The following ASCC3 variants were observed in gnomAD, a reference collection of about 807,000 sequenced individuals.
The protein encoded by ASCC3 is activating signal cointegrator 1 complex subunit 3.
A neutral mutation model predicts 256.3 loss-of-function variants in ASCC3; 158 were observed. The ratio of observed to expected loss-of-function variants is 0.62; its 90% confidence interval spans 0.54 to 0.70. The LOEUF (loss-of-function observed/expected upper bound fraction) is 0.70, where lower values mean the gene tolerates loss of function less well. ASCC3 is among the 30% of genes least tolerant of loss of function. The pLI is 0.00. For missense variants in ASCC3, 2,259 were observed against 2,626.0 expected (o/e 0.86, Z 3.05); for synonymous variants, 948 against 883.4 (o/e 1.07, Z -1.30).
At chr6:100,846,714 A>C (rs192963147) in intron 4 of ASCC3, among the ~76,000 whole-genome samples, 465 of 152,308 alleles carry the variant, frequency 3.1e-3, no homozygotes, top group African/African-American at 0.011. Flanking sequence ...CACTTGAAAG[A>C]GTTAAATCTA....
At chr6:100,770,378 G>C (rs1453542234) in intron 8 of ASCC3, among the ~76,000 whole-genome samples, 1 of 151,862 alleles carries the variant, frequency 6.6e-6, no homozygotes, top group Non-Finnish European at 1.5e-5. Flanking sequence ...AACAGGGTAA[G>C]ACTGAATGCT....
chr6:100,842,689 G>A lies in ASCC3; in HGVS notation c.801+5459C>T, dbSNP rs1278624410. Among the ~76,000 whole-genome samples, 3 of 152,086 alleles carry A rather than the reference G, an allele frequency of 2.0e-5. No individual in the cohort carries two copies. The East Asian group carries it at 5.8e-4, about 29-fold the overall frequency. ...AGTATTATTATTTTAAATGATTTGG[G>A]GCTGGGTGCAGTGGCTCATGCCTGC... On this transcript the variant is annotated intron_variant, in intron 4 of 41. Transcript: ENST00000369162.
At chr6:100,589,110 T>C (rs1187746204) in intron 36 of ASCC3, among the ~76,000 whole-genome samples, 1 of 152,094 alleles carries the variant, frequency 6.6e-6, no homozygotes, top group Non-Finnish European at 1.5e-5. Flanking sequence ...AAAGGAAAAA[T>C]GAACACAGTA....
intron 34 of ASCC3, among the ~76,000 whole-genome samples, chr6:100,595,876 C>T (rs924250241): frequency 1.3e-5 from 2 of 151,980 alleles, no homozygotes; most frequent in Non-Finnish European, 2.9e-5. Context: ...TTTATTAATT[C>T]CAATTTTTAT....
At chr6:100,667,233 A>C (rs188140574) in intron 14 of ASCC3, among the ~76,000 whole-genome samples, 7 of 152,292 alleles carry the variant, frequency 4.6e-5, no homozygotes, top group African/African-American at 1.7e-4. Flanking sequence ...AAAATGTGAA[A>C]CGTGAGTCTT....
intron 36 of ASCC3, among the ~76,000 whole-genome samples, chr6:100,542,585 A>T (rs1207409024): frequency 6.6e-6 from 1 of 151,884 alleles, no homozygotes; most frequent in South Asian, 2.1e-4. Flanking sequence ...GGGAGACTGA[A>T]GCAGGAGAAT....
intron 2 of ASCC3, among the ~76,000 whole-genome samples, chr6:100,866,407 A>T (rs980133779): frequency 6.6e-6 from 1 of 152,266 alleles, no homozygotes; most frequent in Non-Finnish European, 1.5e-5. Context: ...AAGAAACCAC[A>T]GTAATTTAAA....
At chr6:100,729,545 A>G (rs556959925) in intron 10 of ASCC3, among the ~76,000 whole-genome samples, 96 of 152,314 alleles carry the variant, frequency 6.3e-4, no homozygotes, top group African/African-American at 2.2e-3. Context: ...TACTATTGAG[A>G]ATATATATCT....
At chr6:100,711,128 A>G (rs1376057380) in intron 13 of ASCC3, among the ~76,000 whole-genome samples, 1 of 152,116 alleles carries the variant, frequency 6.6e-6, no homozygotes, top group Non-Finnish European at 1.5e-5. Context: ...AAGCAATCCT[A>G]TGTTCCATAC....
Position 100,679,962 on chromosome 6 carries a change from T to G in ASCC3, c.2152-210A>C, listed in dbSNP as rs565605378. Among the ~76,000 whole-genome samples, 5 of 152,224 alleles carry G rather than the reference T, an allele frequency of 3.3e-5. No individual in the cohort carries two copies. The East Asian group carries it at 7.7e-4, about 24-fold the overall frequency. On this transcript the variant is annotated intron_variant, in intron 13 of 41. Transcript: ENST00000369162. ...AATTTAGCTTACAAGTTGATAGAAG[T>G]TTGTGGAGTCTATAAAATTTGGAGT...
chr6:100,822,215 A>G (rs1222999572), intron 4 of ASCC3, among the ~76,000 whole-genome samples: 1 of 152,202 alleles, frequency 6.6e-6, no homozygotes, highest in Non-Finnish European at 1.5e-5. Flanking sequence ...CTTACAAACC[A>G]AAATGACTTA....
intron 13 of ASCC3, among the ~76,000 whole-genome samples, chr6:100,687,394 G>A (rs966774535): frequency 4.4e-4 from 67 of 151,908 alleles, no homozygotes; most frequent in Non-Finnish European, 2.1e-4. Flanking sequence ...ACAGTGTCTC[G>A]CTCTGTCGCC....
At chr6:100,637,628 T>C (rs1774906483) in intron 25 of ASCC3, among the ~76,000 whole-genome samples, 1 of 152,034 alleles carries the variant, frequency 6.6e-6, no homozygotes. Flanking sequence ...CCATTCTAGA[T>C]GCCATTAAGA....
At chr6:100,596,702 T>G (rs75643294) in intron 34 of ASCC3, among the ~76,000 whole-genome samples, 2,479 of 152,284 alleles carry the variant, frequency 0.016, 65 homozygotes, top group African/African-American at 0.056. Context: ...TTTGAATGAA[T>G]CTGATAATTT....
chr6:100,842,958 G>A (rs2114490538), intron 4 of ASCC3, among the ~76,000 whole-genome samples: 1 of 152,202 alleles, frequency 6.6e-6, no homozygotes, highest in African/African-American at 2.4e-5. Context: ...CTGGGTGACA[G>A]AATGAGACTC....
chr6:100,812,859 G>C (rs752698173), intron 4 of ASCC3, among the ~76,000 whole-genome samples: 1 of 152,102 alleles, frequency 6.6e-6, no homozygotes, highest in Non-Finnish European at 1.5e-5. Flanking sequence ...GAACCCAGGA[G>C]TTCAAGGCTG....
chr6:100,786,921 A>T (rs984451974), intron 8 of ASCC3, among the ~76,000 whole-genome samples: 7 of 152,178 alleles, frequency 4.6e-5, no homozygotes, highest in Non-Finnish European at 1.5e-5. Flanking sequence ...ATCTATATTT[A>T]AAAATGGAAT....
At chr6:100,784,337 C>T (rs1034688116) in intron 8 of ASCC3, among the ~76,000 whole-genome samples, 1 of 151,864 alleles carries the variant, frequency 6.6e-6, no homozygotes, top group Non-Finnish European at 1.5e-5. Flanking sequence ...TGCTTATATC[C>T]AATTCATATT....
Position 100,650,578 on chromosome 6 carries a change from T to A in ASCC3, c.3212A>T (p.Asp1071Val). Residue 1071 changes from aspartate (D) to valine (V), a missense_variant, in exon 20 of 42, where the codon GAC becomes GTC. Transcript: ENST00000369162. ...LQTYISRGEMDSFSLISDSAY... is the reference protein window; with the variant it reads ...LQTYISRGEMVSFSLISDSAY... ...AGAATCTGATATAAGGGAGAAACTG[T>A]CCATTTCTCCTCGGCTGATATAAGT... 2 of 1,612,732 alleles carry A rather than the reference T, an allele frequency of 1.2e-6. No individual in the cohort carries two copies. The highest frequency in any genetic ancestry group is 1.7e-6 in the Non-Finnish European group (2 of 1,179,068).
Sources: gnomAD v4.1 joint callset for allele counts (sites outside exome capture counted in the v4.1 genomes callset) on GRCh38, gnomAD v4.1.1 for gene constraint, MANE v1.5 for transcripts, NCBI Gene and HGNC (gene_info 2026-07-23, HGNC 2026-07-21) for gene names.